Variants in FAM20A observed in about 807,000 individuals in gnomAD.
FAM20A encodes the protein FAM20A golgi associated secretory pathway pseudokinase, also known as pseudokinase FAM20A.
FAM20A carries 42 observed loss-of-function variants against 52.0 expected under a neutral mutation model. The ratio of observed to expected loss-of-function variants is 0.81; its 90% CI spans 0.63 to 1.04. The LOEUF is 1.04. Among genes scored for constraint, FAM20A ranks in the 50% least tolerant of loss-of-function variants. FAM20A has a pLI of 0.00. For missense variants in FAM20A, 742 were observed against 712.7 expected (o/e 1.04, Z -0.47); for synonymous variants, 304 against 298.9 (o/e 1.02, Z -0.18).
intron 1 of FAM20A, among the ~76,000 whole-genome samples, chr17:68,584,438 G>A (rs1427929581): frequency 1.3e-5 from 2 of 152,220 alleles, no homozygotes; most frequent in Non-Finnish European, 2.9e-5. Flanking sequence ...GTGGTGTTAA[G>A]AGCCCAGCTG....
chr17:68,566,244 C>T (rs972477353), intron 1 of FAM20A, among the ~76,000 whole-genome samples: 1 of 152,158 alleles, frequency 6.6e-6, no homozygotes, highest in Non-Finnish European at 1.5e-5. Flanking sequence ...GTGATTTAGG[C>T]ATATTTCTCA....
intron 1 of FAM20A, among the ~76,000 whole-genome samples, chr17:68,563,068 A>T (rs2087260985): frequency 6.6e-6 from 1 of 152,078 alleles, no homozygotes; most frequent in Admixed American, 6.6e-5. Flanking sequence ...GCTGGTTAGG[A>T]CTAAGTTTTT....
chr17:68,552,539 T>TA (rs2086883125), intron 3 of FAM20A, among the ~76,000 whole-genome samples: 1 of 152,132 alleles, frequency 6.6e-6, no homozygotes, highest in African/African-American at 2.4e-5. Flanking sequence ...ACCTCACTTC[T>TA]CTTACCCTCT....
At position 68,540,981 on chromosome 17, in the gene FAM20A, G is replaced by T. The variant is rs200166232; in HGVS notation, c.1110-23C>A. On this transcript the variant is annotated intron_variant, in intron 7 of 10. Transcript: ENST00000592554. ...CACCTGAGGGGGAGAAGAAGTCCTG[G>T]GGCTGGAAAAGCCAAGATGGCAGGG... is the stretch of plus-strand genomic sequence containing the variant. 27 of 1,563,186 alleles carry T rather than the reference G, an allele frequency of 1.7e-5. No homozygotes were observed. In the African/African-American group the frequency reaches 2.7e-4, roughly 16 times the overall value.
At chr17:68,556,506 T>C (rs1600582231) in intron 1 of FAM20A, among the ~76,000 whole-genome samples, 1 of 149,162 alleles carries the variant, frequency 6.7e-6, no homozygotes, top group African/African-American at 2.5e-5. Context: ...GATGAATCTA[T>C]GATGAAGTAG....
At chr17:68,581,350 T>TGTCTTTCTTTC (rs2087941479) in intron 1 of FAM20A, among the ~76,000 whole-genome samples, 1 of 92,218 alleles carries the variant, frequency 1.1e-5, no homozygotes, top group African/African-American at 4.8e-5. Flanking sequence ...GAAATGCAGT[T>TGTCTTTCTTTC]TTTCTTTCTT....
intron 10 of FAM20A, among the ~76,000 whole-genome samples, chr17:68,538,121 T>C (rs995383500): frequency 6.6e-6 from 1 of 152,250 alleles, no homozygotes; most frequent in African/African-American, 2.4e-5. Flanking sequence ...AGCTATTTGC[T>C]GTCTCAAAAT....
rs879942743 is a variant in FAM20A at position 68,536,102 on chromosome 17, A to C, written c.*1375T>G. On this transcript the variant is annotated 3_prime_UTR_variant, in exon 11 of 11. Transcript: ENST00000592554. ...GAGAGACACAAAGTCCAGGGGCAGC[A>C]TACCAGTCATGTGGGGGTACCACGG... The C allele has an allele frequency of 2.2e-5, 10 of 454,014 alleles. No homozygotes were observed. Among genetic ancestry groups the C allele is most frequent in the Admixed American group, 1.6e-4 (7 of 42,562 alleles). The allele number at this position is 454,014 out of a possible 1,614,324, so 28.1% of individuals were successfully genotyped here. A position where few individuals can be genotyped will look rare whatever the true frequency, so the allele number is the denominator to read the frequency against.
intron 1 of FAM20A, among the ~76,000 whole-genome samples, chr17:68,582,066 C>T (rs2088021746): frequency 6.6e-6 from 1 of 152,164 alleles, no homozygotes; most frequent in Admixed American, 6.5e-5. Flanking sequence ...ACCGACTCAC[C>T]AGAGGCACGG....
intron 4 of FAM20A, among the ~76,000 whole-genome samples, chr17:68,546,227 G>A (rs952472182): frequency 6.8e-6 from 1 of 147,984 alleles, no homozygotes; most frequent in African/African-American, 2.5e-5. Flanking sequence ...GTTTGATCAT[G>A]CAGTTGCAAC....
At chr17:68,582,780 ATTTTTTTTT>A (rs34025800) in intron 1 of FAM20A, among the ~76,000 whole-genome samples, 6 of 79,810 alleles carry the variant, frequency 7.5e-5, no homozygotes, top group Non-Finnish European at 1.1e-4. Context: ...GCCAGGATTA[ATTTTTTTTT>A]TTTTTTTTTT....
chr17:68,590,793 A>T lies in FAM20A; in HGVS notation c.404+9470T>A, dbSNP rs375276714. 4.8e-3 allele frequency among the ~76,000 whole-genome samples: 737 copies of T among 152,244 alleles called. 3 individuals carry two copies. Among genetic ancestry groups the T allele is most frequent in the South Asian group, 0.019 (92 of 4,810 alleles). On this transcript the variant is annotated intron_variant, in intron 1 of 10. Coordinates refer to ENST00000592554, the MANE Select transcript of FAM20A (RefSeq NM_017565.4). The stretch of plus-strand genomic sequence containing the variant: ...TGCATTTCCATCTTGGTTCGGGGGA[A>T]CTGCTCTTCCCCACTCTGAGCCACG...
chr17:68,541,072 C>T, intron 7 of FAM20A, 114 bp from the exon 8 acceptor site: 1 of 1,483,020 alleles, frequency 6.7e-7, no homozygotes, highest in Non-Finnish European at 9.1e-7. Flanking sequence ...CTGCCCTGGG[C>T]TGGTGGCAGC....
intron 1 of FAM20A, among the ~76,000 whole-genome samples, chr17:68,561,612 A>G (rs1280401962): frequency 7.0e-6 from 1 of 143,076 alleles, no homozygotes; most frequent in African/African-American, 2.7e-5. Context: ...TTTTTTTTTA[A>G]AGAGTTTTCC....
chr17:68,581,388 TTC>T (rs1555832069), intron 1 of FAM20A, among the ~76,000 whole-genome samples: 2 of 146,452 alleles, frequency 1.4e-5, no homozygotes, highest in African/African-American at 5.2e-5. Flanking sequence ...CTTTCTTTCT[TTC>T]TTTCTTTCTT....
chr17:68,591,488 A>C (rs2088307251), intron 1 of FAM20A, among the ~76,000 whole-genome samples: 1 of 152,186 alleles, frequency 6.6e-6, no homozygotes, highest in Non-Finnish European at 1.5e-5. Flanking sequence ...TTCTTCCTAC[A>C]GTGAGTTTGA....
chr17:68,592,297 A>G (rs928616152), intron 1 of FAM20A, among the ~76,000 whole-genome samples: 2 of 152,256 alleles, frequency 1.3e-5, no homozygotes, highest in Admixed American at 6.5e-5. Context: ...AAAAAAAAGT[A>G]CGTGAGCCAG....
chr17:68,584,900 G>A (rs1419127522), intron 1 of FAM20A, among the ~76,000 whole-genome samples: 1 of 152,156 alleles, frequency 6.6e-6, no homozygotes. Flanking sequence ...TCAGTTACTT[G>A]GGGTGTACAT....
At chr17:68,598,615 G>GT (rs955714671) in intron 1 of FAM20A, among the ~76,000 whole-genome samples, 14 of 152,050 alleles carry the variant, frequency 9.2e-5, no homozygotes, top group Admixed American at 3.3e-4. Context: ...GTTTTTGCGA[G>GT]TTTTTTTTGT....
Sources: gnomAD v4.1 joint callset for allele counts (sites outside exome capture counted in the v4.1 genomes callset) on GRCh38, gnomAD v4.1.1 for gene constraint, MANE v1.5 for transcripts, NCBI Gene and HGNC (gene_info 2026-07-23, HGNC 2026-07-21) for gene names.